MCF2: variants seen among roughly 807,000 people sequenced by gnomAD.
MCF2 encodes the protein MCF.2 cell line derived transforming sequence.
A neutral mutation model predicts 82.5 loss-of-function variants in MCF2; 44 were observed. The observed-to-expected ratio is 0.53, with a 90% CI of 0.42 to 0.69. The LOEUF is 0.69. MCF2 is among the 30% of genes least tolerant of loss of function. The pLI is 0.00. For synonymous variants in MCF2, 217 were observed against 224.9 expected, an observed-to-expected ratio of 0.96 and a Z score of 0.32; for missense variants, 623 against 663.1, an observed-to-expected ratio of 0.94 and a Z score of 0.66.
chrX:139,587,888 CA>C, intron 21 of MCF2, 100 bp from the exon 26 acceptor site: 1 of 490,258 alleles, frequency 2.0e-6, no homozygotes, highest in Non-Finnish European at 3.5e-6. Context: ...CACACACACA[CA>C]CACGCATCCT....
At chrX:139,671,923 A>G (rs764151445) in intron 1 of MCF2, among the ~76,000 whole-genome samples, 3 of 111,644 alleles carry the variant, frequency 2.7e-5, no homozygotes, top group African/African-American at 9.8e-5. Context: ...CATTTTCGCG[A>G]TACTGATTCT....
intron 9 of MCF2, among the ~76,000 whole-genome samples, chrX:139,615,317 T>A (rs1931816270): frequency 8.9e-6 from 1 of 111,907 alleles, no homozygotes; most frequent in Admixed American, 9.5e-5. Context: ...TTGCCCTTCA[T>A]TGGTTCATTG....
intron 16 of MCF2, 31 bp downstream of exon 20, chrX:139,602,375 A>G (rs764025028): frequency 1.0e-6 from 1 of 990,656 alleles, no homozygotes; most frequent in South Asian, 2.0e-5. Flanking sequence ...TTCCAGAAAG[A>G]ATATATCCAA....
At chrX:139,617,114 A>T (rs1931972700) in intron 8 of MCF2, among the ~76,000 whole-genome samples, 1 of 111,346 alleles carries the variant, frequency 9.0e-6, no homozygotes, top group Non-Finnish European at 1.9e-5. Context: ...GTACTATGAA[A>T]TGTGAAAGGA....
At chrX:139,693,907 T>C (rs768499418) in intron 1 of MCF2, among the ~76,000 whole-genome samples, 113 of 112,438 alleles carry the variant, frequency 1.0e-3, no homozygotes, top group Non-Finnish European at 1.8e-3. Flanking sequence ...ACAGATGCCC[T>C]GCTATGTTGT....
intron 1 of MCF2, among the ~76,000 whole-genome samples, chrX:139,636,703 G>A (rs1025768217): frequency 8.9e-6 from 1 of 111,770 alleles, no homozygotes; most frequent in Admixed American, 9.5e-5. Flanking sequence ...CACATAGCAG[G>A]GAACAAAGTA....
intron 3 of MCF2, 29 bp downstream of exon 6, chrX:139,631,366 G>T (rs762335023): frequency 1.9e-5 from 16 of 854,333 alleles, no homozygotes; most frequent in Non-Finnish European, 2.6e-5. Context: ...AGAACTATAG[G>T]CTCTACAGTA....
chrX:139,582,580 C>A, intron 24 of MCF2, 77 bp from the exon 29 acceptor site: 1 of 763,578 alleles, frequency 1.3e-6, no homozygotes, highest in Non-Finnish European at 2.0e-6. Flanking sequence ...GTCATTCCAG[C>A]TTCTTGTTTT....
At position 139,616,358 on chromosome X, in the gene MCF2, A is replaced by AT; in HGVS notation, c.1114dup (p.Met372AsnfsTer9). 1 of 1,184,386 alleles carries AT rather than the reference A, an allele frequency of 8.4e-7. No individual in the cohort carries two copies. Among genetic ancestry groups the AT allele is most frequent in the Non-Finnish European group, 1.1e-6 (1 of 876,685 alleles). ...TTCATAATTTATAAAGGGTAGAGCC[A>AT]TTTCAAGAAAATTTTCAATGTCTTG... On this transcript the variant is annotated frameshift_variant, in exon 9 of 25. Coordinates refer to ENST00000370576, the Ensembl canonical transcript of MCF2. LOFTEE classifies it high-confidence loss of function.
chrX:139,626,968 G>C (rs1230765649), intron 4 of MCF2, among the ~76,000 whole-genome samples: 1 of 112,328 alleles, frequency 8.9e-6, no homozygotes, highest in East Asian at 2.8e-4. Flanking sequence ...CCTTGCCTTA[G>C]AGATGGACGT....
At chrX:139,594,421 G>A (rs1228345657) in intron 19 of MCF2, among the ~76,000 whole-genome samples, 8 of 110,194 alleles carry the variant, frequency 7.3e-5, no homozygotes, top group African/African-American at 1.0e-4. Context: ...AAATAATGCC[G>A]CATATCTACA....
At chrX:139,671,304 G>A (rs1345453484) in intron 1 of MCF2, among the ~76,000 whole-genome samples, 2 of 111,944 alleles carry the variant, frequency 1.8e-5, no homozygotes, top group African/African-American at 6.5e-5. Flanking sequence ...CTGTGCAGAA[G>A]CTCTTTAGTT....
At chrX:139,624,806 C>G (rs1363149600) in intron 6 of MCF2, among the ~76,000 whole-genome samples, 1 of 111,227 alleles carries the variant, frequency 9.0e-6, no homozygotes, top group Non-Finnish European at 1.9e-5. Flanking sequence ...GGTTATATAA[C>G]AGAATATCCC....
exon 2 of MCF2, chrX:139,632,356 C>T: frequency 2.4e-5 from 29 of 1,196,589 alleles, no homozygotes; most frequent in Non-Finnish European, 3.1e-5. Context: ...GCATAAAATC[C>T]TCCTGACTAA....
chrX:139,673,480 G>A (rs1934768109), intron 1 of MCF2, among the ~76,000 whole-genome samples: 1 of 111,920 alleles, frequency 8.9e-6, no homozygotes, highest in African/African-American at 3.3e-5. Flanking sequence ...TCTACACACT[G>A]CTTTGAATGT....
Position 139,588,200 on chromosome X carries a change from C to T in MCF2, c.2449+160G>A, listed in dbSNP as rs1190440799. Among the ~76,000 whole-genome samples the T allele has an allele frequency of 1.8e-5, 2 of 111,366 alleles. 1 individual carries two copies. The highest frequency in any genetic ancestry group is 3.8e-5 in the Non-Finnish European group (2 of 53,104). ...CATTCTTCAAAATAGTTTAAACAAT[C>T]CTCTGAATCTCAATCTCCTACTAAT... On this transcript the variant is annotated intron_variant, in intron 21 of 24. Coordinates refer to ENST00000370576, the Ensembl canonical transcript of MCF2.
At chrX:139,696,484 C>T (rs760233853) in intron 1 of MCF2, among the ~76,000 whole-genome samples, 57 of 111,082 alleles carry the variant, frequency 5.1e-4, no homozygotes, top group Non-Finnish European at 8.1e-4. Context: ...AGCGCAGTGG[C>T]GCAATCTCAG....
chrX:139,626,753 C>T lies in MCF2; in HGVS notation c.442G>A (p.Asp148Asn), dbSNP rs201688287. The T allele has an allele frequency of 2.6e-5, 31 of 1,205,714 alleles. No individual in the cohort carries two copies. The Admixed American group carries it at 5.3e-4, about 21-fold the overall frequency. Residue 148 changes from aspartate (D) to asparagine (N), a missense_variant, in exon 5 of 25, where the codon GAT (aspartate) becomes AAT (asparagine). Transcript: ENST00000370576. ...CCTTCTTTGGTTACAGCTGTAATATCATTCTGTCCAAAGACACAAAAGGAG... is the reference window on the plus strand; with the variant it reads ...CCTTCTTTGGTTACAGCTGTAATATTATTCTGTCCAAAGACACAAAAGGAG...
chrX:139,596,423 T>C (rs1930101069), intron 19 of MCF2, 126 bp downstream of exon 23: 3 of 490,284 alleles, frequency 6.1e-6, no homozygotes, highest in Non-Finnish European at 6.9e-6. Flanking sequence ...ACTTAAGATT[T>C]TTTAAAAAAA....
Sources: gnomAD v4.1 joint callset for allele counts (sites outside exome capture counted in the v4.1 genomes callset) on GRCh38, gnomAD v4.1.1 for gene constraint, MANE v1.5 for transcripts, NCBI Gene and HGNC (gene_info 2026-07-23, HGNC 2026-07-21) for gene names.